HDGFL3: variants seen among roughly 807,000 people sequenced by gnomAD.
HDGFL3 encodes hepatoma-derived growth factor-related protein 3.
In HDGFL3, 6 loss-of-function variants were observed where a neutral mutation model predicts 27.6. The ratio of observed to expected loss-of-function variants is 0.22; its 90% CI spans 0.12 to 0.43. HDGFL3 has a LOEUF of 0.43. Ranked by LOEUF, HDGFL3 falls within the 20% of genes least tolerant of loss-of-function variation. HDGFL3 has a pLI of 1.00. For missense variants in HDGFL3, 207 were observed against 250.1 expected (o/e 0.83, Z 1.16); for synonymous variants, 88 against 88.9 (o/e 0.99, Z 0.05).
At chr15:83,148,438 G>A (rs1050343959) in intron 5 of HDGFL3, among the ~76,000 whole-genome samples, 4 of 151,982 alleles carry the variant, frequency 2.6e-5, no homozygotes, top group Admixed American at 2.0e-4. Flanking sequence ...TGGCTAACAC[G>A]GTGAAACCCC....
intron 5 of HDGFL3, among the ~76,000 whole-genome samples, chr15:83,148,840 C>T (rs1005550841): frequency 6.6e-6 from 1 of 151,944 alleles, no homozygotes; most frequent in Non-Finnish European, 1.5e-5. Flanking sequence ...ATAAGTAATA[C>T]TAAACAATAT....
intron 5 of HDGFL3, among the ~76,000 whole-genome samples, chr15:83,147,543 T>C (rs2036913478): frequency 6.6e-6 from 1 of 152,130 alleles, no homozygotes; most frequent in Non-Finnish European, 1.5e-5. Context: ...ACTAAAACTA[T>C]TCAATTAGCC....
chr15:83,163,904 G>A lies in HDGFL3; in HGVS notation c.161+95C>T, dbSNP rs934341057. ...GCAATTTTATATAACTGATTATAAT[G>A]ATTTTAATAAGACGTAAGATGTCAG... On this transcript the variant is annotated intron_variant, in intron 2 of 5. Coordinates refer to ENST00000299633, the MANE Select transcript of HDGFL3 (RefSeq NM_016073.4). 25 of 810,304 alleles carry A rather than the reference G, an allele frequency of 3.1e-5. No homozygotes were observed. In the African/African-American group the frequency reaches 3.8e-4, roughly 12 times the overall value. The allele number at this position is 810,304 out of a possible 1,614,324, so 50.2% of individuals were successfully genotyped here.
intron 1 of HDGFL3, chr15:83,169,168 G>A (rs958625296): frequency 4.6e-6 from 2 of 435,662 alleles, no homozygotes; most frequent in Non-Finnish European, 9.2e-6. Flanking sequence ...ATACCAAACA[G>A]GCAAAAACTG....
In HDGFL3 at chr15:83,182,295, T is replaced by C. The variant is rs143262575; in HGVS notation, c.85-18220A>G. On this transcript the variant is annotated intron_variant, in intron 1 of 5. Transcript: ENST00000299633. ...AAGTAGTATCTTCTGTGGATATCTTTTAACAAACTAAAGTGTTATAATGCT... is the reference window on the plus strand; with the variant it reads ...AAGTAGTATCTTCTGTGGATATCTTCTAACAAACTAAAGTGTTATAATGCT... Among the ~76,000 whole-genome samples, 306 of 152,318 alleles carry C rather than the reference T, an allele frequency of 2.0e-3. 1 individual carries two copies. Among genetic ancestry groups the C allele is most frequent in the African/African-American group, 7.0e-3 (290 of 41,578 alleles).
Position 83,118,230 on chromosome 15 carries a change from TACAC to T in HDGFL3, c.394-2493_394-2490del, listed in dbSNP as rs72160704. ...CAGAGTGAGACCCTGTCTCTGTACG[TACAC>T]ACACACACACACACACACACACACA... On this transcript the variant is annotated intron_variant, in intron 3 of 3. Coordinates refer to the HDGFL3 transcript ENST00000568294. Among the ~76,000 whole-genome samples the T allele has an allele frequency of 3.2e-3, 473 of 146,282 alleles. 8 individuals are homozygous for T. Among genetic ancestry groups the T allele is most frequent in the African/African-American group, 5.6e-3 (227 of 40,224 alleles).
Position 83,207,345 on chromosome 15 carries a change from G to A in HDGFL3, c.70C>T (p.His24Tyr). The A allele has an allele frequency of 2.9e-6, 4 of 1,401,552 alleles. No homozygotes were observed. The highest frequency in any genetic ancestry group is 3.7e-6 in the Non-Finnish European group (4 of 1,073,148). 86.8% of individuals were successfully genotyped at this position (1,401,552 alleles called of 1,614,324 possible). Reference sequence around the variant, plus strand: ...GCGGTACTCACCCGGGCCGGCCAGTGCGGGTAGCCCTTCATCTTGGCGAAG... The same window carrying A: ...GCGGTACTCACCCGGGCCGGCCAGTACGGGTAGCCCTTCATCTTGGCGAAG... ...LVFAKMKGYP[H>Y]WPARIDELPE... The change falls in exon 1 of 6, where the codon CAC becomes TAC. Residue 24 changes from histidine to tyrosine, a missense_variant. Coordinates refer to ENST00000299633, the MANE Select transcript of HDGFL3 (RefSeq NM_016073.4). The surrounding 1 kb of genome is among the most constrained non-coding windows in gnomAD (Gnocchi z 4.8).
chr15:83,151,611 C>T (rs1025124051), intron 4 of HDGFL3, among the ~76,000 whole-genome samples: 21 of 152,082 alleles, frequency 1.4e-4, no homozygotes, highest in Admixed American at 1.4e-3. Flanking sequence ...TTATTTCCAG[C>T]AATGTGATAT....
At chr15:83,159,487 TG>T (rs2037071386) in intron 2 of HDGFL3, among the ~76,000 whole-genome samples, 1 of 152,148 alleles carries the variant, frequency 6.6e-6, no homozygotes. Flanking sequence ...TCTGTTTTCT[TG>T]GAGCACATGT....
chr15:83,122,782 T>A, downstream of HDGFL3: 1 of 1,614,110 alleles, frequency 6.2e-7, no homozygotes, highest in Non-Finnish European at 8.5e-7. Flanking sequence ...GAATTTGCCC[T>A]GCTTTTTTCT....
intron 1 of HDGFL3, among the ~76,000 whole-genome samples, chr15:83,187,375 G>GTC (rs1304704861): frequency 6.6e-6 from 1 of 151,536 alleles, no homozygotes; most frequent in Non-Finnish European, 1.5e-5. Flanking sequence ...CTCTGTGTGT[G>GTC]TCTCTCTCTC....
chr15:83,184,351 C>T (rs953723777), intron 1 of HDGFL3, among the ~76,000 whole-genome samples: 1 of 152,072 alleles, frequency 6.6e-6, no homozygotes, highest in African/African-American at 2.4e-5. Flanking sequence ...ATTTATCAGT[C>T]CAAAAGGAAA....
At chr15:83,171,357 T>C (rs76641903) in intron 1 of HDGFL3, among the ~76,000 whole-genome samples, 185 of 152,328 alleles carry the variant, frequency 1.2e-3, no homozygotes, top group African/African-American at 4.2e-3. Context: ...AACTTATGAA[T>C]AGAACTACCA....
intron 1 of HDGFL3, among the ~76,000 whole-genome samples, chr15:83,200,346 A>G (rs1183038464): frequency 6.6e-6 from 1 of 151,914 alleles, no homozygotes; most frequent in African/African-American, 2.4e-5. Context: ...AAAAAAAAAA[A>G]GAAAGAAAAA....
Position 83,207,461 on chromosome 15 carries a change from CG to C in HDGFL3, c.-48del. On this transcript the variant is annotated 5_prime_UTR_variant, in exon 1 of 6. Transcript: ENST00000299633. The surrounding 1 kb of genome is among the most constrained non-coding windows in gnomAD (Gnocchi z 4.8). Reference sequence around the variant, plus strand: ...TAGTCCTTGGTCGCCGCGAAGATGCCGGGAGGCCGCCCCCCCGCGGGCCGAC... The same window carrying C: ...TAGTCCTTGGTCGCCGCGAAGATGCCGGAGGCCGCCCCCCCGCGGGCCGAC... 1 of 1,242,314 alleles carries C rather than the reference CG, an allele frequency of 8.0e-7. No homozygotes were observed. Among genetic ancestry groups the C allele is most frequent in the Non-Finnish European group, 1.0e-6 (1 of 979,730 alleles). The allele number at this position is 1,242,314 out of a possible 1,614,324, so 77.0% of individuals were successfully genotyped here. A position where few individuals can be genotyped will look rare whatever the true frequency, so the allele number is the denominator to read the frequency against.
chr15:83,191,144 C>T (rs964031385), intron 1 of HDGFL3, among the ~76,000 whole-genome samples: 8 of 152,140 alleles, frequency 5.3e-5, no homozygotes, highest in Non-Finnish European at 8.8e-5. Flanking sequence ...GAGCCAAAAG[C>T]GGTCTTAATT....
intron 1 of HDGFL3, among the ~76,000 whole-genome samples, chr15:83,164,276 A>G (rs1389801836): frequency 6.0e-5 from 9 of 151,172 alleles, no homozygotes; most frequent in Non-Finnish European, 3.0e-5. Flanking sequence ...AACCATTATA[A>G]TAATTTATAA....
At chr15:83,203,305 T>C (rs1327744294) in intron 1 of HDGFL3, among the ~76,000 whole-genome samples, 2 of 152,038 alleles carry the variant, frequency 1.3e-5, no homozygotes, top group Non-Finnish European at 2.9e-5. Flanking sequence ...TCTTACTCTT[T>C]TAGCTAAAAA....
intron 5 of HDGFL3, chr15:83,144,401 T>G (rs1328609540): frequency 2.2e-6 from 1 of 455,962 alleles, no homozygotes; most frequent in Non-Finnish European, 4.4e-6. Context: ...GTGACTTGCT[T>G]GTAATAAACA....
Sources: gnomAD v4.1 joint callset for allele counts (sites outside exome capture counted in the v4.1 genomes callset) on GRCh38, gnomAD v4.1.1 for gene constraint, Gnocchi (gnomAD v3.1) non-coding constraint, MANE v1.5 for transcripts, NCBI Gene and HGNC (gene_info 2026-07-23, HGNC 2026-07-21) for gene names.